CA12: variants seen among roughly 807,000 people sequenced by gnomAD.
CA12 encodes the protein carbonic anhydrase 12, also known as carbonate dehydratase XII.
CA12 carries 36 observed loss-of-function variants against 46.8 expected under a neutral mutation model. That is an observed-to-expected ratio of 0.77 (90% CI 0.59 to 1.02). The LOEUF is 1.02. Ranked by LOEUF, CA12 falls within the 50% of genes least tolerant of loss-of-function variation. The probability of loss-of-function intolerance (pLI) is 0.00; values close to 1 mark genes in which losing one functional copy is unlikely to be tolerated. For missense variants in CA12, 436 were observed against 451.4 expected, an observed-to-expected ratio of 0.97 and a Z score of 0.31; for synonymous variants, 202 against 187.0, an observed-to-expected ratio of 1.08 and a Z score of -0.65.
rs2038933438 is a variant in CA12 at position 63,331,182 on chromosome 15, C to T, written c.875-3052G>A. On this transcript the variant is annotated intron_variant, in intron 8 of 10. Coordinates refer to ENST00000178638, the MANE Select transcript of CA12 (RefSeq NM_001218.5). The surrounding 1 kb of genome is among the most constrained non-coding windows in gnomAD (Gnocchi z 5.3). Reference sequence around the variant, plus strand: ...GTCCCATTGGAGGCAGATGCCAAAACATCTGTTATCTGATGGGAGAGAGAA... The same window carrying T: ...GTCCCATTGGAGGCAGATGCCAAAATATCTGTTATCTGATGGGAGAGAGAA... Among the ~76,000 whole-genome samples, 2 of 152,316 alleles carry T rather than the reference C, an allele frequency of 1.3e-5. No individual in the cohort carries two copies. Among genetic ancestry groups the T allele is most frequent in the African/African-American group, 2.4e-5 (1 of 41,566 alleles).
rs1025163846 is a variant in CA12, at chr15:63,340,892, C to T, written c.526-109G>A. ...GCTGTGGGTATGTTGCCACCACTGC[C>T]TGAAGGATCCACTTTACTGGACAAT... is the stretch of plus-strand genomic sequence containing the variant. On this transcript the variant is annotated intron_variant, in intron 5 of 10. Coordinates refer to ENST00000178638, the MANE Select transcript of CA12 (RefSeq NM_001218.5). This position sits in a 1 kb window ranked among gnomAD's most constrained non-coding sequence, Gnocchi z 4.4. 6 of 857,272 alleles carry T rather than the reference C, an allele frequency of 7.0e-6. No homozygotes were observed. Among genetic ancestry groups the T allele is most frequent in the African/African-American group, 1.7e-5 (1 of 60,462 alleles). 53.1% of individuals were successfully genotyped at this position (857,272 alleles called of 1,614,324 possible).
intron 2 of CA12, among the ~76,000 whole-genome samples, chr15:63,357,258 T>C (rs923160790): frequency 6.6e-6 from 1 of 152,244 alleles, no homozygotes; most frequent in African/African-American, 2.4e-5. Context: ...CACAGACTGC[T>C]GGGCCACACC....
In CA12 at chr15:63,374,292, C is replaced by T. The variant is rs1180341701; in HGVS notation, c.106+1366G>A. On this transcript the variant is annotated intron_variant, in intron 2 of 10. Coordinates refer to ENST00000178638, the MANE Select transcript of CA12 (RefSeq NM_001218.5). This position sits in a 1 kb window ranked among gnomAD's most constrained non-coding sequence, Gnocchi z 4.4. ...TGCTTCTGCTCAACATCACCTTAGC[C>T]AACAGCACCCACTCCCCACTCACCG... Among the ~76,000 whole-genome samples the T allele has an allele frequency of 1.3e-5, 2 of 152,146 alleles. No individual in the cohort carries two copies. Among genetic ancestry groups the T allele is most frequent in the Non-Finnish European group, 2.9e-5 (2 of 68,034 alleles).
chr15:63,375,879 G>C (rs1368249893), intron 1 of CA12, among the ~76,000 whole-genome samples: 1 of 150,740 alleles, frequency 6.6e-6, no homozygotes, highest in Non-Finnish European at 1.5e-5. Context: ...GCGCGATCTC[G>C]GCTCACTGCA....
rs11451814 is a variant in CA12 at position 63,339,266 on chromosome 15, T to TC, written c.748-322dup. Among the ~76,000 whole-genome samples, 143,347 of 151,590 alleles carry TC rather than the reference T, an allele frequency of 0.95. 67,616 individuals carry two copies. The highest frequency in any genetic ancestry group is 0.99 in the East Asian group (5,085 of 5,150). ...TGGGGTGATGGAGTGCTCCTTAACC[T>TC]CCACAGAGACTGAGTTCCTCTCATG... On this transcript the variant is annotated intron_variant, in intron 7 of 10. Transcript: ENST00000178638. The surrounding 1 kb of genome is among the most constrained non-coding windows in gnomAD (Gnocchi z 4.3).
At position 63,348,508 on chromosome 15, in the gene CA12, G is replaced by A. The variant is rs1311825753; in HGVS notation, c.107-1799C>T. Among the ~76,000 whole-genome samples the A allele has an allele frequency of 6.6e-6, 1 of 152,174 alleles. No individual in the cohort carries two copies. Among genetic ancestry groups the A allele is most frequent in the African/African-American group, 2.4e-5 (1 of 41,438 alleles). On this transcript the variant is annotated intron_variant, in intron 2 of 10. Coordinates refer to ENST00000178638, the MANE Select transcript of CA12 (RefSeq NM_001218.5). The surrounding 1 kb of genome is among the most constrained non-coding windows in gnomAD (Gnocchi z 4.6). ...GGGTCAGGAAGAGACACAGCACAGG[G>A]TAAGACTCCCTAAGTGAGGCTGCCA...
chr15:63,379,010 T>C (rs1567057848), intron 1 of CA12: 2 of 152,300 alleles, frequency 1.3e-5, no homozygotes, highest in African/African-American at 4.8e-5. Context: ...TTCCCTGTTG[T>C]TGGAGTTCTC....
chr15:63,347,930 C>T lies in CA12; in HGVS notation c.107-1221G>A, dbSNP rs747226696. 2.6e-5 allele frequency among the ~76,000 whole-genome samples: 4 copies of T among 152,194 alleles called. No individual in the cohort carries two copies. In the South Asian group the frequency reaches 6.2e-4, roughly 24 times the overall value. ...CTCTTCTGGGAATTCTTCTGTAGAC[C>T]CCTGCACTGTTTCACAAGGGTGTAA... On this transcript the variant is annotated intron_variant, in intron 2 of 10. Coordinates refer to ENST00000178638, the MANE Select transcript of CA12 (RefSeq NM_001218.5).
intron 2 of CA12, among the ~76,000 whole-genome samples, chr15:63,360,543 C>T (rs2039348516): frequency 6.6e-6 from 1 of 152,186 alleles, no homozygotes; most frequent in African/African-American, 2.4e-5. Context: ...CAACACTACC[C>T]CTCAAACATT....
chr15:63,351,642 C>T (rs913825172), intron 2 of CA12, among the ~76,000 whole-genome samples: 3 of 152,190 alleles, frequency 2.0e-5, no homozygotes, highest in African/African-American at 4.8e-5. Flanking sequence ...TGCTCAAATG[C>T]CCTCTTCTTT....
At chr15:63,343,976 A>G (rs983313217) in intron 4 of CA12, among the ~76,000 whole-genome samples, 2 of 152,192 alleles carry the variant, frequency 1.3e-5, no homozygotes, top group Non-Finnish European at 2.9e-5. Flanking sequence ...CAAGGTCTTT[A>G]CCCTAAAACA....
chr15:63,326,616 C>T (rs1035702556), intron 10 of CA12, among the ~76,000 whole-genome samples: 4 of 152,032 alleles, frequency 2.6e-5, no homozygotes, highest in Non-Finnish European at 4.4e-5. Flanking sequence ...CGTTGTCACC[C>T]CCCTCTTCAA....
chr15:63,351,708 A>G (rs1321092231), intron 2 of CA12, among the ~76,000 whole-genome samples: 6 of 152,196 alleles, frequency 3.9e-5, no homozygotes. Context: ...AGGTCCTGCC[A>G]AAGCTACCCC....
Position 63,326,128 on chromosome 15 carries a change from A to G in CA12, c.*157T>C, listed in dbSNP as rs1400309621. 2 of 679,044 alleles carry G rather than the reference A, an allele frequency of 2.9e-6. No individual in the cohort carries two copies. Among genetic ancestry groups the G allele is most frequent in the African/African-American group, 3.5e-5 (2 of 56,576 alleles). 42.1% of individuals were successfully genotyped at this position (679,044 alleles called of 1,614,324 possible). On this transcript the variant is annotated 3_prime_UTR_variant, in exon 11 of 11. Coordinates refer to ENST00000178638, the MANE Select transcript of CA12 (RefSeq NM_001218.5). ...TGGCTCTGGGGTGGCCATGGTCCCA[A>G]GGCAAGGAGGCACCCAGCAGAGGAT...
Position 63,339,561 on chromosome 15 carries a change from C to A in CA12, c.748-616G>T, listed in dbSNP as rs960073570. 1.4e-4 allele frequency among the ~76,000 whole-genome samples: 21 copies of A among 152,230 alleles called. No individual in the cohort carries two copies. Among genetic ancestry groups the A allele is most frequent in the African/African-American group, 4.8e-4 (20 of 41,456 alleles). On this transcript the variant is annotated intron_variant, in intron 7 of 10. Coordinates refer to ENST00000178638, the MANE Select transcript of CA12 (RefSeq NM_001218.5). The surrounding 1 kb of genome is among the most constrained non-coding windows in gnomAD (Gnocchi z 4.3). Reference sequence around the variant, plus strand: ...CCACCTGCTGCCATTTACCAGGTGACTCAGAGCAGAAGCTTACTGTAAAGA... The same window carrying A: ...CCACCTGCTGCCATTTACCAGGTGAATCAGAGCAGAAGCTTACTGTAAAGA...
Position 63,325,911 on chromosome 15 carries a change from A to C in CA12, c.*374T>G, listed in dbSNP as rs1043239. On this transcript the variant is annotated 3_prime_UTR_variant, in exon 11 of 11. Transcript: ENST00000178638. This position sits in a 1 kb window ranked among gnomAD's most constrained non-coding sequence, Gnocchi z 4.9. ...TCTGAAAGCTTGGAGAAGCAGCAGA[A>C]TTTCCAGGACACTTGAAAGCACGCT... The C allele has an allele frequency of 0.5, 135,047 of 268,942 alleles. 35,328 individuals are homozygous for C. Among genetic ancestry groups the C allele is most frequent in the Non-Finnish European group, 0.57 (77,674 of 135,188 alleles). The allele number at this position is 268,942 out of a possible 1,614,324, so 16.7% of individuals were successfully genotyped here.
chr15:63,342,681 A>G (rs75251305), intron 4 of CA12, among the ~76,000 whole-genome samples: 2 of 152,276 alleles, frequency 1.3e-5, no homozygotes, highest in East Asian at 3.9e-4. Context: ...ACTAGTTTTC[A>G]TGTTAACTTT....
At position 63,322,413 on chromosome 15, in the gene CA12, T is replaced by A. The variant is rs1204196647; in HGVS notation, c.*3872A>T. The stretch of plus-strand genomic sequence containing the variant: ...TTAATGTCACTGGTTTTTTTTTTTT[T>A]ACCTTTTTCTAGTGTGGCTACCGGA... On this transcript the variant is annotated 3_prime_UTR_variant, in exon 11 of 11. Coordinates refer to ENST00000178638, the MANE Select transcript of CA12 (RefSeq NM_001218.5). The surrounding 1 kb of genome is among the most constrained non-coding windows in gnomAD (Gnocchi z 4.1). 6.6e-6 allele frequency: 1 copy of A among 151,876 alleles called. No individual in the cohort carries two copies. The highest frequency in any genetic ancestry group is 1.5e-5 in the Non-Finnish European group (1 of 67,976). 9.4% of individuals were successfully genotyped at this position (151,876 alleles called of 1,614,324 possible).
intron 2 of CA12, 124 bp from the exon 3 acceptor site, chr15:63,346,833 C>A (rs2039156784): frequency 1.8e-6 from 2 of 1,114,196 alleles, no homozygotes; most frequent in Non-Finnish European, 1.3e-6. Context: ...GGAGGTAAAT[C>A]TTCAAGGCTC....
Sources: allele counts gnomAD v4.1 joint callset (sites outside exome capture counted in the v4.1 genomes callset), GRCh38; gene constraint gnomAD v4.1.1; non-coding constraint Gnocchi (gnomAD v3.1); transcripts MANE v1.5; gene names NCBI Gene and HGNC (gene_info 2026-07-23, HGNC 2026-07-21).